The following MAD1L1 variants were observed in gnomAD, a reference collection of about 807,000 sequenced individuals.
MAD1L1 encodes mitotic arrest deficient 1 like 1, also known as mitotic spindle assembly checkpoint protein MAD1.
Under a neutral mutation model 96.9 loss-of-function variants are expected in MAD1L1, and 95 were observed. The ratio of observed to expected loss-of-function variants is 0.98; its 90% CI spans 0.83 to 1.16. The LOEUF is 1.16. Among genes scored for constraint, MAD1L1 ranks in the 50% most tolerant of loss-of-function variants. The pLI, the probability that MAD1L1 is intolerant of heterozygous loss-of-function variation, is 0.00. For synonymous variants in MAD1L1, 473 were observed against 396.6 expected, an observed-to-expected ratio of 1.19 and a Z score of -2.29; for missense variants, 1,007 against 954.4, an observed-to-expected ratio of 1.06 and a Z score of -0.73.
chr7:2,133,228 T>A (rs1472013662), intron 11 of MAD1L1, among the ~76,000 whole-genome samples: 2 of 151,520 alleles, frequency 1.3e-5, no homozygotes, highest in Non-Finnish European at 2.9e-5. Context: ...ATGCTGAGCA[T>A]CTCCTCATGT....
At chr7:1,847,708 C>A in intron 18 of MAD1L1, 1 of 470,438 alleles carries the variant, frequency 2.1e-6, no homozygotes, top group Non-Finnish European at 4.4e-6. Context: ...CTGGGCAGGC[C>A]TGGGTTCCCA....
chr7:1,938,999 GCACACACACA>G (rs66527139), intron 16 of MAD1L1, among the ~76,000 whole-genome samples: 3,125 of 48,584 alleles, frequency 0.064, 90 homozygotes, highest in Admixed American at 0.17. Flanking sequence ...GCACACACAC[GCACACACACA>G]CACACACACA....
chr7:2,217,980 G>A lies in MAD1L1; in HGVS notation c.660C>T (p.Asp220=). ...ELQASQEARA[D]HEQQIKDLEQ... ...GACTCACCTTAATCTGCTGCTCGTG[G>A]TCTGCTCTTGCTTCTTGGCTGGCCT... Residue 220 remains aspartate, a synonymous_variant, in exon 7 of 19, where the codon GAC becomes GAT. Transcript: ENST00000265854. The A allele has an allele frequency of 6.2e-7, 1 of 1,613,986 alleles. No individual in the cohort carries two copies. The highest frequency in any genetic ancestry group is 8.5e-7 in the Non-Finnish European group (1 of 1,179,854).
intron 11 of MAD1L1, among the ~76,000 whole-genome samples, chr7:2,135,133 G>A (rs1315566397): frequency 2.0e-5 from 3 of 152,196 alleles, no homozygotes; most frequent in South Asian, 2.1e-4. Flanking sequence ...GTGAAGGAAC[G>A]GTGAGCGCAC....
chr7:2,015,488 C>T (rs1782495002), intron 12 of MAD1L1, among the ~76,000 whole-genome samples: 1 of 152,242 alleles, frequency 6.6e-6, no homozygotes, highest in Non-Finnish European at 1.5e-5. Flanking sequence ...TGCCTCCAGA[C>T]CCTGCGGGTG....
chr7:2,158,960 C>T (rs576992480), intron 10 of MAD1L1, among the ~76,000 whole-genome samples: 1 of 152,344 alleles, frequency 6.6e-6, no homozygotes, highest in East Asian at 1.9e-4. Flanking sequence ...AGGGGATTCA[C>T]ATGGGGCACC....
chr7:2,131,272 G>A (rs1007666317), intron 11 of MAD1L1, among the ~76,000 whole-genome samples: 2 of 152,164 alleles, frequency 1.3e-5, no homozygotes, highest in Admixed American at 6.5e-5. Context: ...CAGAAGGGAC[G>A]CATGTACTAT....
intron 14 of MAD1L1, among the ~76,000 whole-genome samples, chr7:2,001,474 A>T (rs1449883038): frequency 6.6e-6 from 1 of 152,250 alleles, no homozygotes; most frequent in Non-Finnish European, 1.5e-5. Context: ...CTGGTCCCCC[A>T]CGGGCCCACA....
intron 17 of MAD1L1, among the ~76,000 whole-genome samples, chr7:1,904,500 T>C (rs376702798): frequency 4.5e-5 from 6 of 132,488 alleles, no homozygotes; most frequent in East Asian, 2.3e-4. Flanking sequence ...CAGTGGCCTA[T>C]GGAAGATGCT....
chr7:1,931,273 C>T (rs1789463133), intron 17 of MAD1L1, among the ~76,000 whole-genome samples: 1 of 152,176 alleles, frequency 6.6e-6, no homozygotes, highest in South Asian at 2.1e-4. Context: ...AGCGAGGGCG[C>T]GTCGTGGGGT....
At chr7:1,827,545 G>GAGCCCGTCCCGGGTGTGGGGT (rs1782474446) in intron 18 of MAD1L1, among the ~76,000 whole-genome samples, 1 of 76,520 alleles carries the variant, frequency 1.3e-5, no homozygotes. Flanking sequence ...GGGTGTGGGG[G>GAGCCCGTCCCGGGTGTGGGGT]CCTCCCCTCC....
intron 12 of MAD1L1, among the ~76,000 whole-genome samples, chr7:2,032,322 GCCCCAGGT>G (rs1562623219): frequency 6.6e-6 from 1 of 152,198 alleles, no homozygotes; most frequent in Admixed American, 6.5e-5. Context: ...GAAGGCGCGC[GCCCCAGGT>G]CTCCAGCCTC....
intron 10 of MAD1L1, among the ~76,000 whole-genome samples, chr7:2,159,383 G>A (rs545973928): frequency 6.6e-6 from 1 of 152,268 alleles, no homozygotes; most frequent in African/African-American, 2.4e-5. Flanking sequence ...ATGCCTGCGT[G>A]GCCTGCCCCC....
chr7:2,181,001 C>T (rs999806989), intron 10 of MAD1L1, among the ~76,000 whole-genome samples: 3 of 152,180 alleles, frequency 2.0e-5, no homozygotes, highest in Non-Finnish European at 4.4e-5. Flanking sequence ...TTCCCCTTAC[C>T]GGAGAATCCT....
chr7:2,040,937 G>A (rs1051982982), intron 12 of MAD1L1, among the ~76,000 whole-genome samples: 4 of 152,194 alleles, frequency 2.6e-5, no homozygotes, highest in East Asian at 1.9e-4. Context: ...GATGTGTGCC[G>A]TCATAGGGGC....
At chr7:1,904,278 G>A (rs1311718606) in intron 17 of MAD1L1, among the ~76,000 whole-genome samples, 2 of 148,470 alleles carry the variant, frequency 1.3e-5, no homozygotes, top group East Asian at 2.0e-4. Context: ...CAGGCAGTGA[G>A]GACGCAGTGG....
At chr7:1,865,391 C>T (rs1017122930) in intron 18 of MAD1L1, among the ~76,000 whole-genome samples, 2 of 152,240 alleles carry the variant, frequency 1.3e-5, no homozygotes, top group Non-Finnish European at 2.9e-5. Context: ...CCCGGGGCAT[C>T]CCAGCCCTGC....
intron 11 of MAD1L1, among the ~76,000 whole-genome samples, chr7:2,098,052 C>T (rs556127435): frequency 6.6e-6 from 1 of 152,342 alleles, no homozygotes; most frequent in South Asian, 2.1e-4. Flanking sequence ...AGCGGAATCA[C>T]TCATGCGGCG....
intron 18 of MAD1L1, among the ~76,000 whole-genome samples, chr7:1,894,714 G>T (rs1168469421): frequency 2.6e-5 from 4 of 152,146 alleles, no homozygotes; most frequent in Admixed American, 2.6e-4. Flanking sequence ...AGAGGGGAGG[G>T]GGCGAGCGGG....
Sources: gnomAD v4.1 joint callset for allele counts (sites outside exome capture counted in the v4.1 genomes callset) on GRCh38, gnomAD v4.1.1 for gene constraint, MANE v1.5 for transcripts, NCBI Gene and HGNC (gene_info 2026-07-23, HGNC 2026-07-21) for gene names.